The following SERINC1 variants were observed in gnomAD, a reference collection of about 807,000 sequenced individuals.
The protein encoded by SERINC1 is tumor differentially expressed protein 2.
A neutral mutation model predicts 52.9 loss-of-function variants in SERINC1; 38 were observed. That is an observed-to-expected ratio of 0.72 (90% CI 0.55 to 0.94). The LOEUF is 0.94. SERINC1 is among the 40% of genes least tolerant of loss of function. The pLI is 0.00. For synonymous variants in SERINC1, 198 were observed against 183.1 expected, an observed-to-expected ratio of 1.08 and a Z score of -0.66; for missense variants, 471 against 533.9, an observed-to-expected ratio of 0.88 and a Z score of 1.16.
Position 122,444,951 on chromosome 6 carries a change from G to A in SERINC1, c.*93C>T, listed in dbSNP as rs547312412. 1.6e-6 allele frequency: 2 copies of A among 1,257,508 alleles called. No homozygotes were observed. The highest frequency in any genetic ancestry group is 3.0e-5 in the South Asian group (2 of 67,124). 77.9% of individuals were successfully genotyped at this position (1,257,508 alleles called of 1,614,324 possible). A position where few individuals can be genotyped will look rare whatever the true frequency, so the allele number is the denominator to read the frequency against. On this transcript the variant is annotated 3_prime_UTR_variant, in exon 10 of 10. Coordinates refer to ENST00000339697, the MANE Select transcript of SERINC1 (RefSeq NM_020755.4). ...GCCAGAACACTGGAGAAGTTACATG[G>A]GAAGCAAAAACATACACAACTTTAC...
chr6:122,470,201 C>A (rs1169084409), intron 1 of SERINC1, among the ~76,000 whole-genome samples: 2 of 152,120 alleles, frequency 1.3e-5, no homozygotes. Context: ...ACACTTAGAC[C>A]CCCATCTCTA....
At chr6:122,460,233 C>T (rs1425818514) in intron 1 of SERINC1, among the ~76,000 whole-genome samples, 6 of 152,132 alleles carry the variant, frequency 3.9e-5, no homozygotes, top group Admixed American at 6.5e-5. Context: ...CCACCACACC[C>T]GGCTAATTTT....
At chr6:122,445,278 C>T (rs1774769640) in intron 9 of SERINC1, 99 bp from the exon 10 acceptor site, 1 of 1,178,820 alleles carries the variant, frequency 8.5e-7, no homozygotes, top group Non-Finnish European at 1.2e-6. Flanking sequence ...GCTTTGTATA[C>T]AGTTTGTGAT....
rs76244415 is a variant in SERINC1 at position 122,460,462 on chromosome 6, C to T, written c.40-1781G>A. On this transcript the variant is annotated intron_variant, in intron 1 of 9. Transcript: ENST00000339697. ...ACCCAGAGGTGAAAAACTTTGTAAT[C>T]CATGAGGCATTGGGTAAAGATATCA... 3.0e-3 allele frequency among the ~76,000 whole-genome samples: 456 copies of T among 152,208 alleles called. 13 individuals are homozygous for T. The East Asian group carries it at 0.065, about 22-fold the overall frequency.
chr6:122,469,865 T>G (rs1562218573), intron 1 of SERINC1, among the ~76,000 whole-genome samples: 1 of 152,154 alleles, frequency 6.6e-6, no homozygotes, highest in Non-Finnish European at 1.5e-5. Context: ...CTCTGAGTGT[T>G]ACTTTTGAAA....
At chr6:122,454,279 A>G in intron 3 of SERINC1, 49 bp from the exon 4 acceptor site, 6 of 933,148 alleles carry the variant, frequency 6.4e-6, no homozygotes, top group Non-Finnish European at 9.9e-6. Flanking sequence ...TTCATCAAAT[A>G]ATTTCATATA....
At chr6:122,457,334 C>G (rs1457277372) in intron 2 of SERINC1, among the ~76,000 whole-genome samples, 1 of 152,218 alleles carries the variant, frequency 6.6e-6, no homozygotes, top group Non-Finnish European at 1.5e-5. Flanking sequence ...TCTGCTCACT[C>G]TGAATGATCT....
At chr6:122,455,824 T>G (rs1045481319) in intron 3 of SERINC1, among the ~76,000 whole-genome samples, 1 of 152,130 alleles carries the variant, frequency 6.6e-6, no homozygotes, top group Non-Finnish European at 1.5e-5. Context: ...ACTGTATAAA[T>G]GAATAGTTTT....
intron 1 of SERINC1, among the ~76,000 whole-genome samples, chr6:122,471,204 G>C (rs1382016408): frequency 6.6e-6 from 1 of 151,890 alleles, no homozygotes; most frequent in African/African-American, 2.4e-5. Flanking sequence ...ATGACGACAG[G>C]CACTTTTTAA....
At chr6:122,449,069 G>A (rs1774859955) in intron 7 of SERINC1, among the ~76,000 whole-genome samples, 1 of 152,018 alleles carries the variant, frequency 6.6e-6, no homozygotes, top group Admixed American at 6.5e-5. Flanking sequence ...TGAAATAATC[G>A]ACAAACATTG....
Position 122,446,880 on chromosome 6 carries a change from C to G in SERINC1, c.1120G>C (p.Ala374Pro), listed in dbSNP as rs748217179. 2 of 1,613,670 alleles carry G rather than the reference C, an allele frequency of 1.2e-6. No homozygotes were observed. Among genetic ancestry groups the G allele is most frequent in the Non-Finnish European group, 1.7e-6 (2 of 1,179,590 alleles). ...ACACCATCCCTTTCATTATCTACAG[C>G]TCGGTGAACATCGTCCCCATCCTCC... ...SLEDGDDVHRAVDNERDGVTY... is the reference protein window; with the variant it reads ...SLEDGDDVHRPVDNERDGVTY... Residue 374 changes from alanine (A) to proline (P), a missense_variant, in exon 9 of 10, where the codon GCT (alanine) becomes CCT (proline). Coordinates refer to ENST00000339697, the MANE Select transcript of SERINC1 (RefSeq NM_020755.4).
intron 3 of SERINC1, among the ~76,000 whole-genome samples, chr6:122,455,406 A>G (rs1450588838): frequency 6.6e-6 from 1 of 152,060 alleles, no homozygotes; most frequent in African/African-American, 2.4e-5. Context: ...GGCAAAAAAA[A>G]AAAGTGAAAA....
chr6:122,459,767 A>C (rs1019486725), intron 1 of SERINC1, among the ~76,000 whole-genome samples: 1 of 152,184 alleles, frequency 6.6e-6, no homozygotes, highest in Non-Finnish European at 1.5e-5. Flanking sequence ...AAAATGAAGT[A>C]AGAACAGAAC....
chr6:122,447,719 A>G (rs769744534), intron 7 of SERINC1, among the ~76,000 whole-genome samples: 6 of 152,194 alleles, frequency 3.9e-5, no homozygotes, highest in Non-Finnish European at 7.3e-5. Context: ...AAACCAAGAC[A>G]GCTTACACAA....
At chr6:122,446,653 C>A in intron 9 of SERINC1, 121 bp downstream of exon 9, 1 of 650,410 alleles carries the variant, frequency 1.5e-6, no homozygotes. Flanking sequence ...ATTCATTTAG[C>A]TGTACATTTT....
intron 2 of SERINC1, among the ~76,000 whole-genome samples, chr6:122,458,158 A>G (rs1775034438): frequency 6.6e-6 from 1 of 152,208 alleles, no homozygotes. Flanking sequence ...TTCCTAAAGT[A>G]TAGATACTTT....
At position 122,471,703 on chromosome 6, in the gene SERINC1, C is replaced by A; in HGVS notation, c.35G>T (p.Ser12Ile). The change falls in exon 1 of 10, where the codon AGC (serine) becomes ATC (isoleucine). Residue 12 changes from serine to isoleucine, a missense_variant. Ser to Ile is a moderately radical substitution (Grantham distance 142, BLOSUM62 -2). Coordinates refer to ENST00000339697, the MANE Select transcript of SERINC1 (RefSeq NM_020755.4). ...GSVLGLCSMASWIPCLCGSAP... is the reference protein window; with the variant it reads ...GSVLGLCSMAIWIPCLCGSAP... ...AGGCCGCAAAAAGCACCTTACCCAG[C>A]TCGCCATGGAGCACAGCCCCAGGAC... 6.2e-7 allele frequency: 1 copy of A among 1,614,198 alleles called. No homozygotes were observed. The highest frequency in any genetic ancestry group is 1.3e-5 in the African/African-American group (1 of 75,074).
At chr6:122,447,038 A>C in intron 8 of SERINC1, 34 bp from the exon 9 acceptor site, 1 of 1,582,270 alleles carries the variant, frequency 6.3e-7, no homozygotes, top group Non-Finnish European at 8.6e-7. Flanking sequence ...GAGAGAAAAA[A>C]AAGAACATTT....
intron 5 of SERINC1, among the ~76,000 whole-genome samples, 177 bp from the exon 6 acceptor site, chr6:122,452,234 T>C (rs765631593): frequency 4.6e-5 from 7 of 152,212 alleles, no homozygotes; most frequent in Non-Finnish European, 1.0e-4. Flanking sequence ...CTGACCTTTA[T>C]TGCTGAAGAA....
Sources: gnomAD v4.1 joint callset for allele counts (sites outside exome capture counted in the v4.1 genomes callset) on GRCh38, gnomAD v4.1.1 for gene constraint, MANE v1.5 for transcripts, NCBI Gene and HGNC (gene_info 2026-07-23, HGNC 2026-07-21) for gene names.